Variants in ANO10 observed in about 807,000 individuals in gnomAD.
ANO10 encodes anoctamin-10.
Under a neutral mutation model 74.7 loss-of-function variants are expected in ANO10, and 77 were observed. The ratio of observed to expected loss-of-function variants is 1.03; its 90% confidence interval spans 0.86 to 1.25. The LOEUF is 1.25. Among genes scored for constraint, ANO10 ranks in the 50% most tolerant of loss-of-function variants. The probability of loss-of-function intolerance (pLI) is 0.00; values close to 1 mark genes in which losing one functional copy is unlikely to be tolerated. For missense variants in ANO10, 721 were observed against 778.1 expected (o/e 0.93, Z 0.87); for synonymous variants, 279 against 284.9 (o/e 0.98, Z 0.21).
At chr3:43,407,172 G>A (rs1302199222) in intron 12 of ANO10, among the ~76,000 whole-genome samples, 1 of 152,084 alleles carries the variant, frequency 6.6e-6, no homozygotes, top group Non-Finnish European at 1.5e-5. Flanking sequence ...CTAAAGTGCT[G>A]GGATTACATG....
At chr3:43,650,954 A>G (rs2083780586) in intron 1 of ANO10, among the ~76,000 whole-genome samples, 1 of 152,210 alleles carries the variant, frequency 6.6e-6, no homozygotes, top group East Asian at 1.9e-4. Context: ...CTCCTTGAGG[A>G]AGCACCTTTT....
chr3:43,622,832 C>G (rs1286102175), upstream of ANO10, among the ~76,000 whole-genome samples: 1 of 152,106 alleles, frequency 6.6e-6, no homozygotes, highest in Non-Finnish European at 1.5e-5. Context: ...CTTACCTGCT[C>G]TCCTATTTCT....
chr3:43,617,103 G>C (rs757616156), intron 1 of ANO10, among the ~76,000 whole-genome samples: 1 of 150,152 alleles, frequency 6.7e-6, no homozygotes, highest in Non-Finnish European at 1.5e-5. Context: ...CCTAAACTGA[G>C]TTCTGGAATC....
chr3:43,397,458 T>G (rs2148861998), intron 12 of ANO10, among the ~76,000 whole-genome samples: 1 of 152,252 alleles, frequency 6.6e-6, no homozygotes, highest in Non-Finnish European at 1.5e-5. Flanking sequence ...AGGATACAGT[T>G]AAGTTAGAAG....
chr3:43,564,870 C>T (rs2080233658), intron 8 of ANO10, among the ~76,000 whole-genome samples: 1 of 152,162 alleles, frequency 6.6e-6, no homozygotes, highest in African/African-American at 2.4e-5. Flanking sequence ...CTCCATTCCC[C>T]TATCTTCTGC....
intron 11 of ANO10, among the ~76,000 whole-genome samples, chr3:43,528,418 T>C (rs2078305326): frequency 6.6e-6 from 1 of 151,340 alleles, no homozygotes. Flanking sequence ...AAAAAAAACT[T>C]CAGATAAGAA....
At chr3:43,591,341 G>A (rs961976549) in intron 4 of ANO10, among the ~76,000 whole-genome samples, 1 of 152,178 alleles carries the variant, frequency 6.6e-6, no homozygotes, top group Non-Finnish European at 1.5e-5. Context: ...GTGCAGCTAA[G>A]TGCCCAGGTT....
intron 4 of ANO10, among the ~76,000 whole-genome samples, chr3:43,588,693 T>G (rs1352273806): frequency 6.6e-6 from 1 of 151,858 alleles, no homozygotes; most frequent in Admixed American, 6.6e-5. Flanking sequence ...TTCTAACAGA[T>G]GCAAACTAAA....
chr3:43,428,796 CAAAAAAAAA>C (rs56213626), intron 12 of ANO10, among the ~76,000 whole-genome samples: 4 of 55,424 alleles, frequency 7.2e-5, no homozygotes, highest in Non-Finnish European at 1.3e-4. Context: ...TTTGTGAATG[CAAAAAAAAA>C]AAAAAAAAAA....
intron 12 of ANO10, among the ~76,000 whole-genome samples, chr3:43,403,292 T>C (rs78612151): frequency 1.3e-5 from 2 of 152,328 alleles, no homozygotes; most frequent in East Asian, 3.9e-4. Context: ...TTGACATCTG[T>C]CAGAGAGAAA....
intron 12 of ANO10, chr3:43,372,609 A>G: frequency 2.1e-6 from 1 of 486,380 alleles, no homozygotes; most frequent in Non-Finnish European, 3.7e-6. Flanking sequence ...TCATCCCTCT[A>G]TTTCCTCCTC....
chr3:43,595,605 T>C (rs1014036193), intron 4 of ANO10, among the ~76,000 whole-genome samples: 24 of 152,118 alleles, frequency 1.6e-4, no homozygotes, highest in Admixed American at 1.2e-3. Flanking sequence ...ACTGATGGGA[T>C]GTATCTCAAA....
chr3:43,473,464 G>T (rs976080141), intron 11 of ANO10, among the ~76,000 whole-genome samples: 12 of 152,148 alleles, frequency 7.9e-5, no homozygotes, highest in Non-Finnish European at 2.9e-5. Flanking sequence ...GTCAGAGAGA[G>T]CATGACCACC....
chr3:43,463,972 C>A (rs778112672), intron 11 of ANO10, among the ~76,000 whole-genome samples: 1 of 152,148 alleles, frequency 6.6e-6, no homozygotes, highest in East Asian at 1.9e-4. Flanking sequence ...GTGAGTAAGT[C>A]TCATGAGGAG....
chr3:43,562,009 C>T (rs1302735315), intron 8 of ANO10, among the ~76,000 whole-genome samples: 1 of 152,086 alleles, frequency 6.6e-6, no homozygotes, highest in Non-Finnish European at 1.5e-5. Context: ...CATACCCTCA[C>T]TACAAAAATA....
At chr3:43,685,800 T>C (rs548133123) in intron 1 of ANO10, among the ~76,000 whole-genome samples, 53 of 152,366 alleles carry the variant, frequency 3.5e-4, no homozygotes, top group African/African-American at 1.0e-3. Context: ...GCTTTTTTCA[T>C]CACTTTCTAT....
At chr3:43,607,463 G>A (rs80214361) in intron 1 of ANO10, among the ~76,000 whole-genome samples, 122 of 152,272 alleles carry the variant, frequency 8.0e-4, no homozygotes, top group African/African-American at 2.8e-3. Context: ...CACTAAGCAG[G>A]GCTTCTGTTG....
At chr3:43,543,716 G>C (rs1216374280) in intron 11 of ANO10, among the ~76,000 whole-genome samples, 1 of 152,214 alleles carries the variant, frequency 6.6e-6, no homozygotes, top group Non-Finnish European at 1.5e-5. Flanking sequence ...GCTGCTGGCA[G>C]ATGGAGAGGG....
chr3:43,551,180 T>C (rs1376423349), intron 10 of ANO10, among the ~76,000 whole-genome samples: 2 of 152,232 alleles, frequency 1.3e-5, no homozygotes, highest in African/African-American at 4.8e-5. Flanking sequence ...TATAAGTACA[T>C]CATTTAACAA....
Sources: gnomAD v4.1 joint callset for allele counts (sites outside exome capture counted in the v4.1 genomes callset) on GRCh38, gnomAD v4.1.1 for gene constraint, MANE v1.5 for transcripts, NCBI Gene and HGNC (gene_info 2026-07-23, HGNC 2026-07-21) for gene names.